Variants in PCSK6 observed in about 807,000 individuals in gnomAD.
The protein encoded by PCSK6 is proprotein convertase subtilisin/kexin type 6, also known as paired basic amino acid cleaving enzyme 4.
A neutral mutation model predicts 123.3 loss-of-function variants in PCSK6; 85 were observed. That is an observed-to-expected ratio of 0.69 (90% confidence interval 0.58 to 0.83). The LOEUF is 0.83. Among genes scored for constraint, PCSK6 ranks in the 40% least tolerant of loss-of-function variants. The probability of loss-of-function intolerance (pLI) is 0.00; values close to 1 mark genes in which losing one functional copy is unlikely to be tolerated. For missense variants in PCSK6, 1,191 were observed against 1,282.3 expected (o/e 0.93, Z 1.09); for synonymous variants, 508 against 516.0 (o/e 0.98, Z 0.21).
intron 11 of PCSK6, among the ~76,000 whole-genome samples, chr15:101,377,839 A>C (rs913616242): frequency 4.6e-5 from 7 of 152,186 alleles, no homozygotes. Context: ...GTGTGTGAAG[A>C]GTTCATTAAA....
chr15:101,478,622 C>A (rs1288159880), intron 1 of PCSK6, among the ~76,000 whole-genome samples: 1 of 152,108 alleles, frequency 6.6e-6, no homozygotes, highest in Non-Finnish European at 1.5e-5. Flanking sequence ...CAGAGAACAC[C>A]AGGCTAGGAT....
At chr15:101,430,638 G>A (rs187417310) in intron 4 of PCSK6, among the ~76,000 whole-genome samples, 1 of 152,148 alleles carries the variant, frequency 6.6e-6, no homozygotes, top group Non-Finnish European at 1.5e-5. Context: ...ATGATAAAAG[G>A]TTTCCAGTGT....
At chr15:101,322,384 C>G in intron 18 of PCSK6, 136 bp downstream of exon 18, 1 of 633,892 alleles carries the variant, frequency 1.6e-6, no homozygotes, top group South Asian at 2.0e-5. Flanking sequence ...TTCCAGGACT[C>G]GGAATCTTTA....
At chr15:101,376,775 C>T (rs1306260742) in intron 11 of PCSK6, among the ~76,000 whole-genome samples, 2 of 152,186 alleles carry the variant, frequency 1.3e-5, no homozygotes, top group Non-Finnish European at 2.9e-5. Context: ...GGGGTAGCAG[C>T]AGGCAGGAAA....
intron 13 of PCSK6, among the ~76,000 whole-genome samples, chr15:101,365,274 G>A (rs907143799): frequency 1.3e-5 from 2 of 152,096 alleles, no homozygotes; most frequent in African/African-American, 4.8e-5. Context: ...AGCAACAGAA[G>A]AAAAAATAAA....
At chr15:101,326,764 G>A (rs2040264646) in intron 15 of PCSK6, among the ~76,000 whole-genome samples, 2 of 152,242 alleles carry the variant, frequency 1.3e-5, no homozygotes, top group South Asian at 2.1e-4. Flanking sequence ...GAGCAGGGAG[G>A]AGATGGGACT....
intron 2 of PCSK6, among the ~76,000 whole-genome samples, chr15:101,441,235 T>C (rs2056745681): frequency 6.6e-6 from 1 of 152,174 alleles, no homozygotes; most frequent in Non-Finnish European, 1.5e-5. Context: ...AACTAATGCC[T>C]GGGAATGCTT....
chr15:101,334,456 G>A (rs1026303510), intron 13 of PCSK6: 1 of 151,406 alleles, frequency 6.6e-6, no homozygotes, highest in African/African-American at 2.4e-5. Context: ...TGTTCTCACC[G>A]CTGCAGCAGT....
At chr15:101,478,900 C>G (rs1037238851) in intron 1 of PCSK6, among the ~76,000 whole-genome samples, 2 of 152,218 alleles carry the variant, frequency 1.3e-5, no homozygotes, top group Admixed American at 1.3e-4. Flanking sequence ...GTGAAGATAA[C>G]AAGGTCAGCA....
Position 101,366,258 on chromosome 15 carries a change from T to G in PCSK6, c.1796A>C (p.Glu599Ala). The G allele has an allele frequency of 6.2e-7, 1 of 1,613,862 alleles. No individual in the cohort carries two copies. The highest frequency in any genetic ancestry group is 1.7e-5 in the Admixed American group (1 of 60,018). Residue 599 changes from glutamate (E) to alanine (A), a missense_variant, in exon 13 of 22, where the codon GAA (glutamate) becomes GCA (alanine). Transcript: ENST00000611716. ...TTGGATTTCCAAGGTCCACTGCCCTTCAGCCTTTTCTCCCCAGCAGTGGAC... is the reference window on the plus strand; with the variant it reads ...TTGGATTTCCAAGGTCCACTGCCCTGCAGCCTTTTCTCCCCAGCAGTGGAC... ...MTVHCWGEKA[E>A]GQWTLEIQDL...
chr15:101,412,691 T>TTTTATATATATATATATATATA (rs772007096), intron 6 of PCSK6, among the ~76,000 whole-genome samples: 1 of 124,748 alleles, frequency 8.0e-6, no homozygotes, highest in African/African-American at 3.5e-5. Flanking sequence ...AACTGGAAAA[T>TTTTATATATATATATATATATA]TATATATATA....
intron 6 of PCSK6, among the ~76,000 whole-genome samples, chr15:101,414,528 T>C (rs767792847): frequency 6.6e-6 from 1 of 151,918 alleles, no homozygotes; most frequent in Non-Finnish European, 1.5e-5. Flanking sequence ...GGCAGAGGAG[T>C]GGAGCTATGG....
chr15:101,407,203 T>A (rs2042806590), intron 6 of PCSK6, among the ~76,000 whole-genome samples: 1 of 152,240 alleles, frequency 6.6e-6, no homozygotes, highest in Non-Finnish European at 1.5e-5. Context: ...CGGCTCTGCA[T>A]GACCTTGGGC....
intron 11 of PCSK6, among the ~76,000 whole-genome samples, chr15:101,380,255 C>T (rs1363351302): frequency 2.0e-5 from 3 of 152,192 alleles, no homozygotes; most frequent in Non-Finnish European, 2.9e-5. Flanking sequence ...AACAACCACT[C>T]GCCACCTAGG....
intron 7 of PCSK6, among the ~76,000 whole-genome samples, chr15:101,396,688 C>G (rs2042421928): frequency 6.6e-6 from 1 of 152,016 alleles, no homozygotes; most frequent in African/African-American, 2.4e-5. Flanking sequence ...TGTGCCAGCA[C>G]TCACTCAGCC....
intron 10 of PCSK6, 21 bp downstream of exon 10, chr15:101,384,301 A>G (rs1420917173): frequency 6.2e-7 from 1 of 1,611,728 alleles, no homozygotes; most frequent in East Asian, 2.2e-5. Flanking sequence ...CCAATGGTCC[A>G]CCAGAACGCC....
intron 13 of PCSK6, among the ~76,000 whole-genome samples, chr15:101,348,642 T>C (rs1044838394): frequency 2.6e-5 from 4 of 152,208 alleles, no homozygotes; most frequent in Admixed American, 6.5e-5. Context: ...CCTGAAACCT[T>C]TGAAACTCCT....
chr15:101,406,166 G>C (rs2042772200), intron 6 of PCSK6, among the ~76,000 whole-genome samples: 1 of 152,110 alleles, frequency 6.6e-6, no homozygotes, highest in African/African-American at 2.4e-5. Context: ...AAACTTTCTA[G>C]GAAGCTCAAC....
chr15:101,333,932 T>A (rs1351703040), intron 13 of PCSK6, among the ~76,000 whole-genome samples: 1 of 152,216 alleles, frequency 6.6e-6, no homozygotes, highest in Non-Finnish European at 1.5e-5. Context: ...ACTGGCTAAG[T>A]ACTAGGTTGC....
Sources: gnomAD v4.1 joint callset for allele counts (sites outside exome capture counted in the v4.1 genomes callset) on GRCh38, gnomAD v4.1.1 for gene constraint, MANE v1.5 for transcripts, NCBI Gene and HGNC (gene_info 2026-07-23, HGNC 2026-07-21) for gene names.